Variants in CACHD1 observed in about 807,000 individuals in gnomAD.
CACHD1 encodes VWFA and cache domain-containing protein 1.
In CACHD1, 71 loss-of-function variants were observed where a neutral mutation model predicts 138.7. The ratio of observed to expected loss-of-function variants is 0.51; its 90% CI spans 0.42 to 0.62. CACHD1 has a LOEUF of 0.62. Ranked by LOEUF, CACHD1 falls within the 20% of genes least tolerant of loss-of-function variation. The pLI is 0.00. For synonymous variants in CACHD1, 578 were observed against 591.5 expected, an observed-to-expected ratio of 0.98 and a Z score of 0.33; for missense variants, 1,389 against 1,625.3, an observed-to-expected ratio of 0.85 and a Z score of 2.50.
At chr1:64,523,107 A>G (rs1253409158) in intron 1 of CACHD1, among the ~76,000 whole-genome samples, 3 of 152,244 alleles carry the variant, frequency 2.0e-5, no homozygotes, top group Non-Finnish European at 4.4e-5. Context: ...AAATTCTGGA[A>G]TTGCTATTAG....
chr1:64,607,605 T>C (rs1647381288), intron 4 of CACHD1, among the ~76,000 whole-genome samples: 1 of 152,146 alleles, frequency 6.6e-6, no homozygotes, highest in Admixed American at 6.5e-5. Context: ...AATAATCCAG[T>C]AGAGATTGAC....
chr1:64,668,988 GT>G (rs1281975892), intron 16 of CACHD1, among the ~76,000 whole-genome samples: 1 of 152,094 alleles, frequency 6.6e-6, no homozygotes, highest in South Asian at 2.1e-4. Context: ...GCCATTTACT[GT>G]TTGCATGACT....
chr1:64,654,139 G>T (rs1218578576), intron 11 of CACHD1, among the ~76,000 whole-genome samples: 1 of 152,016 alleles, frequency 6.6e-6, no homozygotes, highest in Non-Finnish European at 1.5e-5. Flanking sequence ...GACTTTCATT[G>T]TAAAATCAGA....
intron 1 of CACHD1, among the ~76,000 whole-genome samples, chr1:64,538,841 A>G (rs1646654925): frequency 6.6e-6 from 1 of 152,244 alleles, no homozygotes; most frequent in Non-Finnish European, 1.5e-5. Context: ...CGAAGTATTG[A>G]AAACTTATCT....
At chr1:64,514,692 A>C (rs964980827) in intron 1 of CACHD1, among the ~76,000 whole-genome samples, 1 of 152,196 alleles carries the variant, frequency 6.6e-6, no homozygotes, top group Non-Finnish European at 1.5e-5. Context: ...TGATGGTGTC[A>C]AAGTTCCAAG....
At chr1:64,537,220 T>C (rs1646639694) in intron 1 of CACHD1, among the ~76,000 whole-genome samples, 1 of 151,878 alleles carries the variant, frequency 6.6e-6, no homozygotes. Context: ...GGTTAGCCGA[T>C]GATTGCGTTT....
intron 1 of CACHD1, among the ~76,000 whole-genome samples, chr1:64,548,253 A>G (rs1172203513): frequency 6.6e-6 from 1 of 152,192 alleles, no homozygotes; most frequent in Non-Finnish European, 1.5e-5. Context: ...TGCCTCCTTC[A>G]TCAGTCAACT....
At chr1:64,547,356 T>C (rs904000474) in intron 1 of CACHD1, among the ~76,000 whole-genome samples, 7 of 152,084 alleles carry the variant, frequency 4.6e-5, no homozygotes, top group Admixed American at 4.6e-4. Flanking sequence ...GCCTGAACTT[T>C]TTTGTTGTTG....
intron 4 of CACHD1, among the ~76,000 whole-genome samples, chr1:64,618,106 A>T (rs904909700): frequency 6.6e-6 from 1 of 150,914 alleles, no homozygotes; most frequent in African/African-American, 2.4e-5. Context: ...TAACCTGTCT[A>T]TGCCTTGGTT....
chr1:64,669,844 A>G (rs1050651442), intron 16 of CACHD1, among the ~76,000 whole-genome samples: 1 of 152,216 alleles, frequency 6.6e-6, no homozygotes, highest in Non-Finnish European at 1.5e-5. Flanking sequence ...TGGCAGTTAT[A>G]CAAGAGAAGT....
intron 1 of CACHD1, among the ~76,000 whole-genome samples, chr1:64,533,408 G>A (rs1646604859): frequency 1.3e-5 from 2 of 152,268 alleles, no homozygotes; most frequent in Admixed American, 6.5e-5. Flanking sequence ...GCTATAGATG[G>A]GGAATATTGC....
At chr1:64,570,516 A>T (rs558598041) in intron 2 of CACHD1, among the ~76,000 whole-genome samples, 5 of 152,266 alleles carry the variant, frequency 3.3e-5, no homozygotes, top group African/African-American at 1.2e-4. Context: ...CAGCCTCTAA[A>T]GGAAGGTGTT....
At chr1:64,624,402 T>A (rs925829852) in intron 4 of CACHD1, among the ~76,000 whole-genome samples, 3 of 152,224 alleles carry the variant, frequency 2.0e-5, no homozygotes, top group African/African-American at 7.2e-5. Flanking sequence ...GTTACAGATG[T>A]TACTTTTAAA....
rs375075109 is a variant in CACHD1 at position 64,605,069 on chromosome 1, C to T, written c.517+2157C>T. Among the ~76,000 whole-genome samples, 12 of 151,274 alleles carry T rather than the reference C, an allele frequency of 7.9e-5. No homozygotes were observed. The East Asian group carries it at 9.8e-4, about 12-fold the overall frequency. ...GCAACCTCTGCCTTTTGGGTTCAAG[C>T]GATTCTCCTGCCTCAGTCTCCCAAG... On this transcript the variant is annotated intron_variant, in intron 4 of 26. Transcript: ENST00000651257.
intron 1 of CACHD1, among the ~76,000 whole-genome samples, chr1:64,508,194 TC>T (rs556739848): frequency 3.9e-4 from 59 of 152,188 alleles, no homozygotes; most frequent in Non-Finnish European, 6.3e-4. Context: ...AAGGGGGAAA[TC>T]CACCCACATG....
intron 2 of CACHD1, chr1:64,579,946 ATG>A (rs1646998834): frequency 6.5e-6 from 1 of 153,022 alleles, no homozygotes; most frequent in Non-Finnish European, 1.5e-5. Flanking sequence ...ATCAAATTTA[ATG>A]TGTGTTATGA....
At chr1:64,516,159 GTTC>G (rs1646457687) in intron 1 of CACHD1, among the ~76,000 whole-genome samples, 1 of 152,192 alleles carries the variant, frequency 6.6e-6, no homozygotes, top group African/African-American at 2.4e-5. Flanking sequence ...AGTAACATGG[GTTC>G]TTCTTCAGCA....
Position 64,513,973 on chromosome 1 carries a change from T to G in CACHD1, c.199-36621T>G, listed in dbSNP as rs546340600. ...TGCAGGTTAAATTAGGTTGCCAGTT[T>G]GCGGTTTCTGTTCCAGATAATCTTT... On this transcript the variant is annotated intron_variant, in intron 1 of 26. Coordinates refer to ENST00000651257, the MANE Select transcript of CACHD1 (RefSeq NM_020925.4). Among the ~76,000 whole-genome samples, 3 of 152,358 alleles carry G rather than the reference T, an allele frequency of 2.0e-5. No homozygotes were observed. In the East Asian group the frequency reaches 5.8e-4, roughly 29 times the overall value.
At chr1:64,612,303 A>G (rs12086167) in intron 4 of CACHD1, among the ~76,000 whole-genome samples, 4,869 of 152,256 alleles carry the variant, frequency 0.032, 257 homozygotes, top group African/African-American at 0.11. Context: ...ATATATCAAT[A>G]CCATTTTTGT....
Sources: gnomAD v4.1 joint callset for allele counts (sites outside exome capture counted in the v4.1 genomes callset) on GRCh38, gnomAD v4.1.1 for gene constraint, MANE v1.5 for transcripts, NCBI Gene and HGNC (gene_info 2026-07-23, HGNC 2026-07-21) for gene names.